The following TAGAP variants were observed in gnomAD, a reference collection of about 807,000 sequenced individuals.
TAGAP encodes the protein T cell activation RhoGTPase activating protein.
A neutral mutation model predicts 36.0 loss-of-function variants in TAGAP; 16 were observed. The observed-to-expected ratio is 0.44, with a 90% CI of 0.30 to 0.68. The LOEUF (loss-of-function observed/expected upper bound fraction) is 0.68. Ranked by LOEUF, TAGAP falls within the 30% of genes least tolerant of loss-of-function variation. TAGAP has a pLI of 0.09. For missense variants in TAGAP, 794 were observed against 921.5 expected (o/e 0.86, Z 1.79); for synonymous variants, 372 against 377.4 (o/e 0.99, Z 0.17).
In TAGAP at chr6:159,036,227, G is replaced by T; in HGVS notation, c.1796C>A (p.Ala599Asp). 1 of 1,611,626 alleles carries T rather than the reference G, an allele frequency of 6.2e-7. No individual in the cohort carries two copies. The change falls in exon 10 of 10, where the codon GCC becomes GAC. Residue 599 changes from alanine (A) to aspartate (D), a missense_variant. Transcript: ENST00000367066. The surrounding 1 kb of genome is among the most constrained non-coding windows in gnomAD (Gnocchi z 4.9). ...TAGTCTGGCTGCCGGGCCCTGCATG[G>T]CCTCTTCATAAGAGGGTGGGCTTCC... ...RPGSPPSYEE[A>D]MQGPAARLVA...
chr6:159,039,036 A>G, intron 8 of TAGAP, 78 bp downstream of exon 8: 3 of 1,603,112 alleles, frequency 1.9e-6, no homozygotes. Context: ...GACATTCTGA[A>G]GCATTTTATT....
At position 159,035,595 on chromosome 6, in the gene TAGAP, AACACCTT is replaced by A. The variant is rs2114779485; in HGVS notation, c.*225_*231del. On this transcript the variant is annotated 3_prime_UTR_variant, in exon 10 of 10. Coordinates refer to ENST00000367066, the MANE Select transcript of TAGAP (RefSeq NM_054114.5). ...GGATTATTAGACATCCTTTGCACCT[AACACCTT>A]ATCTATAATACATTTGATACATTTT... is the stretch of plus-strand genomic sequence containing the variant. 1 of 451,468 alleles carries A rather than the reference AACACCTT, an allele frequency of 2.2e-6. No homozygotes were observed. Among genetic ancestry groups the A allele is most frequent in the East Asian group, 3.4e-5 (1 of 29,650 alleles). 28.0% of individuals were successfully genotyped at this position (451,468 alleles called of 1,614,324 possible).
chr6:159,041,446 T>C lies in TAGAP; in HGVS notation c.385A>G (p.Lys129Glu). ...TCCTCCTTCAGCTCCTTACGGGCTT[T>C]CTCGTTGGCTGCTCTCCTGAATATC... ...EGIFRRAANEKARKELKEELN... is the reference protein window; with the variant it reads ...EGIFRRAANEEARKELKEELN... The change falls in exon 6 of 10, where the codon AAA becomes GAA. Residue 129 changes from lysine (K) to glutamate (E), a missense_variant. By Grantham distance (56) the Lys-to-Glu change is moderately conservative. Coordinates refer to ENST00000367066, the MANE Select transcript of TAGAP (RefSeq NM_054114.5). The surrounding 1 kb of genome is among the most constrained non-coding windows in gnomAD (Gnocchi z 4.1). 1 of 1,614,190 alleles carries C rather than the reference T, an allele frequency of 6.2e-7. No individual in the cohort carries two copies. Among genetic ancestry groups the C allele is most frequent in the Non-Finnish European group, 8.5e-7 (1 of 1,180,018 alleles).
Position 159,035,741 on chromosome 6 carries a change from C to G in TAGAP, c.*86G>C, listed in dbSNP as rs1233752245. The G allele has an allele frequency of 7.2e-7, 1 of 1,390,034 alleles. No homozygotes were observed. Among genetic ancestry groups the G allele is most frequent in the Non-Finnish European group, 9.6e-7 (1 of 1,037,480 alleles). 86.1% of individuals were successfully genotyped at this position (1,390,034 alleles called of 1,614,324 possible). A position where few individuals can be genotyped will look rare whatever the true frequency, so the allele number is the denominator to read the frequency against. On this transcript the variant is annotated 3_prime_UTR_variant, in exon 10 of 10. Coordinates refer to ENST00000367066, the MANE Select transcript of TAGAP (RefSeq NM_054114.5). ...ACTTTCTCAAGGAGCTTATTCAAGA[C>G]CTTTTAAAAACAATCTACAGGCAGT...
At position 159,036,063 on chromosome 6, in the gene TAGAP, G is replaced by C; in HGVS notation, c.1960C>G (p.Pro654Ala). The stretch of plus-strand genomic sequence containing the variant: ...GGAGAGAGTCCGTGGCCAGGGAGTG[G>C]CTCTTTGCTGCCCCTGTGTCTTGAG... ...EDSRHRGSKE[P>A]LPGHGLSPLP... The change falls in exon 10 of 10, where the codon CCA (proline) becomes GCA (alanine). Residue 654 changes from proline (P) to alanine (A), a missense_variant. Pro to Ala is a conservative substitution (Grantham distance 27). Transcript: ENST00000367066. This position sits in a 1 kb window ranked among gnomAD's most constrained non-coding sequence, Gnocchi z 4.9. The C allele has an allele frequency of 6.2e-7, 1 of 1,612,710 alleles. No individual in the cohort carries two copies. The highest frequency in any genetic ancestry group is 8.5e-7 in the Non-Finnish European group (1 of 1,178,900).
chr6:159,041,125 T>C lies in TAGAP; in HGVS notation c.477+229A>G, dbSNP rs1779732612. 1.6e-6 allele frequency: 1 copy of C among 634,186 alleles called. No homozygotes were observed. The highest frequency in any genetic ancestry group is 3.1e-5 in the Admixed American group (1 of 32,122). The allele number at this position is 634,186 out of a possible 1,614,324, so 39.3% of individuals were successfully genotyped here. ...TGCCACGGAACAATCAAATTGCCCG[T>C]ACTTGGCAAAGTTTTGGGAGAGCAG... On this transcript the variant is annotated intron_variant, in intron 6 of 9. Transcript: ENST00000367066. The surrounding 1 kb of genome is among the most constrained non-coding windows in gnomAD (Gnocchi z 4.1).
chr6:159,042,386 G>A (rs1179924668), intron 4 of TAGAP, 142 bp from the exon 5 acceptor site: 1 of 1,445,216 alleles, frequency 6.9e-7, no homozygotes, highest in Non-Finnish European at 9.1e-7. Flanking sequence ...GAAAACTTGA[G>A]AAAGCAAAGG....
intron 6 of TAGAP, 100 bp from the exon 7 acceptor site, chr6:159,040,932 T>A: frequency 2.4e-6 from 2 of 824,120 alleles, no homozygotes; most frequent in Non-Finnish European, 4.0e-6. Flanking sequence ...GCTCTATGCT[T>A]AGCCCATCAT....
In TAGAP at chr6:159,034,795, C is replaced by CT. The variant is rs1294970293; in HGVS notation, c.*1031dup. On this transcript the variant is annotated 3_prime_UTR_variant, in exon 10 of 10. Transcript: ENST00000367066. Reference sequence around the variant, plus strand: ...GAAAAAAAATGGCTTAAAGTAGGTGCTTTTTTAATGGTTTTGCAAATTCTG... The same window carrying CT: ...GAAAAAAAATGGCTTAAAGTAGGTGCTTTTTTTAATGGTTTTGCAAATTCTG... 6.6e-6 allele frequency: 1 copy of CT among 152,024 alleles called. No individual in the cohort carries two copies. Among genetic ancestry groups the CT allele is most frequent in the Non-Finnish European group, 1.5e-5 (1 of 67,996 alleles). 9.4% of individuals were successfully genotyped at this position (152,024 alleles called of 1,614,324 possible).
At chr6:159,043,121 T>C (rs1414561715) in intron 4 of TAGAP, 1 of 155,072 alleles carries the variant, frequency 6.4e-6, no homozygotes, top group African/African-American at 2.4e-5. Context: ...AAGTGGCCTG[T>C]CTTTATGGTT....
Position 159,036,495 on chromosome 6 carries a change from A to G in TAGAP, c.1528T>C (p.Ser510Pro). The change falls in exon 10 of 10, where the codon TCT becomes CCT. Residue 510 changes from serine to proline, a missense_variant. By Grantham distance (74) the Ser-to-Pro change is moderately conservative (BLOSUM62 -1). Coordinates refer to ENST00000367066, the MANE Select transcript of TAGAP (RefSeq NM_054114.5). This position sits in a 1 kb window ranked among gnomAD's most constrained non-coding sequence, Gnocchi z 4.9. ...PSREIKKHSMSFTFAPHKKVL... is the reference protein window; with the variant it reads ...PSREIKKHSMPFTFAPHKKVL... ...TTTTTGTGAGGGGCAAAGGTGAAAG[A>G]CATGGAGTGCTTTTTAATTTCTCGG... The G allele has an allele frequency of 2.5e-6, 4 of 1,613,930 alleles. No homozygotes were observed. The highest frequency in any genetic ancestry group is 3.4e-6 in the Non-Finnish European group (4 of 1,179,948).
chr6:159,040,890 G>T, intron 6 of TAGAP, 58 bp from the exon 7 acceptor site: 2 of 1,384,744 alleles, frequency 1.4e-6, no homozygotes, highest in Non-Finnish European at 2.1e-6. Context: ...CCATGTCCTT[G>T]TTTTCACCCG....
chr6:159,036,807 C>T lies in TAGAP; in HGVS notation c.1216G>A (p.Val406Met). 6.2e-7 allele frequency: 1 copy of T among 1,614,212 alleles called. No individual in the cohort carries two copies. Among genetic ancestry groups the T allele is most frequent in the Non-Finnish European group, 8.5e-7 (1 of 1,180,034 alleles). Residue 406 changes from valine (V) to methionine (M), a missense_variant, in exon 10 of 10, where the codon GTG becomes ATG. Coordinates refer to ENST00000367066, the MANE Select transcript of TAGAP (RefSeq NM_054114.5). The surrounding 1 kb of genome is among the most constrained non-coding windows in gnomAD (Gnocchi z 4.9). ...TCCAAACGAGAGCCTACCCGGGGCA[C>T]GGGGAAGTCCCCTTCACTCTTTGTT... The part of the protein sequence containing the change: ...TLTKSEGDFP[V>M]PRVGSRLESE...
rs771740735 is a variant in TAGAP, at chr6:159,043,572, A to G, written c.148+17T>C. ...GTTAGCACTTACATAAAAGATCGGT[A>G]TGTTTTTAAAACTCACCAATGAGCT... is the stretch of plus-strand genomic sequence containing the variant. On this transcript the variant is annotated intron_variant, in intron 4 of 9. Coordinates refer to ENST00000367066, the MANE Select transcript of TAGAP (RefSeq NM_054114.5). 2.1e-5 allele frequency: 34 copies of G among 1,612,610 alleles called. No homozygotes were observed. The Admixed American group carries it at 2.7e-4, about 13-fold the overall frequency.
chr6:159,044,475 G>C (rs1399553283), intron 1 of TAGAP, among the ~76,000 whole-genome samples: 1 of 152,022 alleles, frequency 6.6e-6, no homozygotes, highest in African/African-American at 2.4e-5. Flanking sequence ...CACTCTAAAC[G>C]TTGTTACCAA....
chr6:159,039,655 T>C (rs766824234), intron 7 of TAGAP, among the ~76,000 whole-genome samples: 4 of 152,230 alleles, frequency 2.6e-5, no homozygotes, highest in Non-Finnish European at 5.9e-5. Flanking sequence ...AATCATTTAG[T>C]CATGTAGAAT....
Position 159,041,310 on chromosome 6 carries a change from A to G in TAGAP, c.477+44T>C. 1 of 1,603,468 alleles carries G rather than the reference A, an allele frequency of 6.2e-7. No homozygotes were observed. Among genetic ancestry groups the G allele is most frequent in the African/African-American group, 1.3e-5 (1 of 74,720 alleles). ...CTTGCATCCTGAGAATGAGTGTGTC[A>G]GGGCCCCTTGGCAGGTTATTTGGCG... On this transcript the variant is annotated intron_variant, in intron 6 of 9. Coordinates refer to ENST00000367066, the MANE Select transcript of TAGAP (RefSeq NM_054114.5). This position sits in a 1 kb window ranked among gnomAD's most constrained non-coding sequence, Gnocchi z 4.1.
At position 159,036,975 on chromosome 6, in the gene TAGAP, C is replaced by A; in HGVS notation, c.1048G>T (p.Ala350Ser). 3 of 1,613,592 alleles carry A rather than the reference C, an allele frequency of 1.9e-6. No homozygotes were observed. The South Asian group carries it at 3.3e-5, about 18-fold the overall frequency. ...AGLDSAGPQD[A>S]REVSPEPIVS... ...ATGGGCTCTGGGCTGACCTCTCGGG[C>A]ATCCTGTGGGCCCGCGCTATCCAAG... Residue 350 changes from alanine to serine, a missense_variant, in exon 10 of 10, where the codon GCC becomes TCC. Ala to Ser is a moderately conservative substitution (Grantham distance 99, BLOSUM62 1). Coordinates refer to ENST00000367066, the MANE Select transcript of TAGAP (RefSeq NM_054114.5). The surrounding 1 kb of genome is among the most constrained non-coding windows in gnomAD (Gnocchi z 4.9).
At position 159,035,917 on chromosome 6, in the gene TAGAP, C is replaced by T. The variant is rs559073180; in HGVS notation, c.2106G>A (p.Gln702=). Residue 702 remains glutamine (Q), a synonymous_variant, in exon 10 of 10, where the codon CAG becomes CAA. Transcript: ENST00000367066. ...GCACGAGACAGTCCCGCTTATTCCT[C>T]TGCACGGACTCGGAGACGGTCCTCA... ...LPLRTVSESV[Q]RNKRDCLVRR... is the part of the protein sequence containing the mutation. 3.7e-6 allele frequency: 6 copies of T among 1,614,226 alleles called. No homozygotes were observed. In the Admixed American group the frequency reaches 6.7e-5, roughly 18 times the overall value.
Sources: gnomAD v4.1 joint callset for allele counts (sites outside exome capture counted in the v4.1 genomes callset) on GRCh38, gnomAD v4.1.1 for gene constraint, Gnocchi (gnomAD v3.1) non-coding constraint, MANE v1.5 for transcripts, NCBI Gene and HGNC (gene_info 2026-07-23, HGNC 2026-07-21) for gene names.